Variants in SLC44A4 observed in about 807,000 individuals in gnomAD.
SLC44A4 encodes the protein choline transporter-like protein 4.
SLC44A4 carries 74 observed loss-of-function variants against 97.0 expected under a neutral mutation model. The ratio of observed to expected loss-of-function variants is 0.76; its 90% CI spans 0.63 to 0.93. The LOEUF is 0.93. SLC44A4 is among the 40% of genes least tolerant of loss of function. SLC44A4 has a pLI of 0.00. For synonymous variants in SLC44A4, 325 were observed against 363.8 expected (o/e 0.89, Z 1.21); for missense variants, 799 against 902.9 (o/e 0.88, Z 1.48).
Position 31,863,700 on chromosome 6 carries a change from A to G in SLC44A4, c.2060T>C (p.Met687Thr). Residue 687 changes from methionine (M) to threonine (T), a missense_variant, in exon 21 of 21, where the codon ATG becomes ACG. Physicochemically the swap from Met to Thr is moderately conservative, Grantham distance 81. Transcript: ENST00000229729. Reference sequence around the variant, plus strand: ...CAGAATCTTTAGAAGGCTCTTGGACATGTAGTAGGGCCGGTCCAGGGAGCC... The same window carrying G: ...CAGAATCTTTAGAAGGCTCTTGGACGTGTAGTAGGGCCGGTCCAGGGAGCC... Reference protein sequence around the residue: ...NNGSLDRPYYMSKSLLKILGK... With the variant: ...NNGSLDRPYYTSKSLLKILGK... The G allele has an allele frequency of 6.2e-7, 1 of 1,612,362 alleles. No individual in the cohort carries two copies. Among genetic ancestry groups the G allele is most frequent in the Non-Finnish European group, 8.5e-7 (1 of 1,179,704 alleles).
rs997056605 is a variant in SLC44A4, at chr6:31,864,723, C to T, written c.1940G>A (p.Gly647Glu). 28 of 1,613,944 alleles carry T rather than the reference C, an allele frequency of 1.7e-5. No homozygotes were observed. The highest frequency in any genetic ancestry group is 2.4e-5 in the Non-Finnish European group (28 of 1,179,990). ...GAAGCCGCTGGCGATGACATAGGCC[C>T]CCAGGATGGAGGTCTGGAAGACATG... ...YWLPIMTSILGAYVIASGFFS... is the reference protein window; with the variant it reads ...YWLPIMTSILEAYVIASGFFS... The change falls in exon 20 of 21, where the codon GGG becomes GAG. Residue 647 changes from glycine (G) to glutamate (E), a missense_variant. By Grantham distance (98) the Gly-to-Glu change is moderately conservative (BLOSUM62 -2). Transcript: ENST00000229729.
Position 31,869,253 on chromosome 6 carries a change from G to C in SLC44A4, c.1135C>G (p.Leu379Val). 6.2e-7 allele frequency: 1 copy of C among 1,603,004 alleles called. No individual in the cohort carries two copies. Among genetic ancestry groups the C allele is most frequent in the South Asian group, 1.1e-5 (1 of 89,380 alleles). ...IAYWAMTALY[L>V]ATSGQPQYVL... ...TACTGGGGTTGCCCCGATGTAGCCA[G>C]GTACCCAGAGGGGAGTCAAGGAAAG... The change falls in exon 13 of 21, where the codon CTG becomes GTG. Residue 379 changes from leucine to valine, a missense_variant. Physicochemically the swap from Leu to Val is conservative, Grantham distance 32. This residue lies in a region of SLC44A4 where 379 missense variants were observed against 438.3 expected (regional missense o/e 0.86). Transcript: ENST00000229729.
Position 31,865,295 on chromosome 6 carries a change from CGG to C in SLC44A4, c.1760+18_1760+19del. ...GAGATCAGAGGAGGGAGCCACAAAG[CGG>C]GGGGGGAGCAGCCTAACCTGACAAT... is the stretch of plus-strand genomic sequence containing the variant. On this transcript the variant is annotated intron_variant, in intron 17 of 20. Transcript: ENST00000229729. The surrounding 1 kb of genome is among the most constrained non-coding windows in gnomAD (Gnocchi z 5.2). 1.2e-6 allele frequency: 2 copies of C among 1,609,634 alleles called. No individual in the cohort carries two copies. Among genetic ancestry groups the C allele is most frequent in the East Asian group, 2.2e-5 (1 of 44,826 alleles).
At chr6:31,872,720 G>A (rs906110173) in intron 7 of SLC44A4, among the ~76,000 whole-genome samples, 5 of 152,146 alleles carry the variant, frequency 3.3e-5, no homozygotes, top group Non-Finnish European at 5.9e-5. Flanking sequence ...CTAAAGATGA[G>A]GAAACAAGGT....
At position 31,865,102 on chromosome 6, in the gene SLC44A4, G is replaced by A. The variant is rs1180392575; in HGVS notation, c.1761-22C>T. 4 of 1,612,944 alleles carry A rather than the reference G, an allele frequency of 2.5e-6. No homozygotes were observed. Among genetic ancestry groups the A allele is most frequent in the Admixed American group, 3.3e-5 (2 of 59,996 alleles). On this transcript the variant is annotated intron_variant, in intron 17 of 20. Coordinates refer to ENST00000229729, the MANE Select transcript of SLC44A4 (RefSeq NM_025257.3). This position sits in a 1 kb window ranked among gnomAD's most constrained non-coding sequence, Gnocchi z 5.2. The stretch of plus-strand genomic sequence containing the variant: ...CACCCTGTGCCAGAAGTTAGGGCAG[G>A]TTGAGGGTGAGAGGCCTGGCAATGC...
rs1294123448 is a variant in SLC44A4, at chr6:31,864,824, G to C, written c.1918C>G (p.Pro640Ala). ...AGAGGGGAGTCACTCACCATGATGGGCAGCCAGTAATAGTTGAGGTGGGGG... is the reference window on the plus strand; with the variant it reads ...AGAGGGGAGTCACTCACCATGATGGCCAGCCAGTAATAGTTGAGGTGGGGG... Reference protein sequence around the residue: ...KSPHLNYYWLPIMTSILGAYV... With the variant: ...KSPHLNYYWLAIMTSILGAYV... Residue 640 changes from proline to alanine, a missense_variant, in exon 19 of 21, where the codon CCC becomes GCC. Coordinates refer to ENST00000229729, the MANE Select transcript of SLC44A4 (RefSeq NM_025257.3). The C allele has an allele frequency of 4.3e-6, 7 of 1,614,056 alleles. No individual in the cohort carries two copies. The highest frequency in any genetic ancestry group is 5.9e-6 in the Non-Finnish European group (7 of 1,179,992).
At chr6:31,868,272 C>G (rs1762966865) in intron 13 of SLC44A4, among the ~76,000 whole-genome samples, 1 of 152,194 alleles carries the variant, frequency 6.6e-6, no homozygotes. Context: ...TTGGAAGCAG[C>G]TTCTCTCTCG....
In SLC44A4 at chr6:31,877,004, C is replaced by T; in HGVS notation, c.89+30G>A. ...TTCCACACTGCACCCACCACCCCCGCCAGCCCCCGGAGCAGTGCCCAGAGC... is the reference window on the plus strand; with the variant it reads ...TTCCACACTGCACCCACCACCCCCGTCAGCCCCCGGAGCAGTGCCCAGAGC... On this transcript the variant is annotated intron_variant, in intron 2 of 20. Coordinates refer to ENST00000229729, the MANE Select transcript of SLC44A4 (RefSeq NM_025257.3). The surrounding 1 kb of genome is among the most constrained non-coding windows in gnomAD (Gnocchi z 6.5). The T allele has an allele frequency of 6.3e-7, 1 of 1,598,542 alleles. No homozygotes were observed. Among genetic ancestry groups the T allele is most frequent in the Non-Finnish European group, 8.5e-7 (1 of 1,173,408 alleles).
chr6:31,876,249 T>TA lies in SLC44A4; in HGVS notation c.90-121_90-120insT. 1 of 678,304 alleles carries TA rather than the reference T, an allele frequency of 1.5e-6. No individual in the cohort carries two copies. Among genetic ancestry groups the TA allele is most frequent in the Non-Finnish European group, 2.5e-6 (1 of 405,742 alleles). 42.0% of individuals were successfully genotyped at this position (678,304 alleles called of 1,614,324 possible). A position where few individuals can be genotyped will look rare whatever the true frequency, so the allele number is the denominator to read the frequency against. Reference sequence around the variant, plus strand: ...GCTGCAGCATGGGCATCAGTAGGCTTTATTTTTATTTTTTTATTGCTTTTA... The same window carrying TA: ...GCTGCAGCATGGGCATCAGTAGGCTTATATTTTTATTTTTTTATTGCTTTTA... On this transcript the variant is annotated intron_variant, in intron 2 of 20. Transcript: ENST00000229729. The surrounding 1 kb of genome is among the most constrained non-coding windows in gnomAD (Gnocchi z 4.8).
Position 31,863,261 on chromosome 6 carries a change from T to C in SLC44A4, c.*366A>G, listed in dbSNP as rs1762644792. ...TTTGTTTTGTTTTGGAGACAGAGTC[T>C]GTCACCCAGGTTGGAGTGCAGTGGC... On this transcript the variant is annotated 3_prime_UTR_variant, in exon 21 of 21. Coordinates refer to ENST00000229729, the MANE Select transcript of SLC44A4 (RefSeq NM_025257.3). 1 of 240,150 alleles carries C rather than the reference T, an allele frequency of 4.2e-6. No homozygotes were observed. Among genetic ancestry groups the C allele is most frequent in the Non-Finnish European group, 8.0e-6 (1 of 124,242 alleles). 14.9% of individuals were successfully genotyped at this position (240,150 alleles called of 1,614,324 possible).
At chr6:31,869,472 A>G in intron 12 of SLC44A4, 73 bp downstream of exon 12, 1 of 1,318,950 alleles carries the variant, frequency 7.6e-7, no homozygotes, top group Non-Finnish European at 1.1e-6. Flanking sequence ...GGCACTCTAC[A>G]GGGCAAGTAT....
chr6:31,873,476 C>T (rs1763284016), intron 7 of SLC44A4, among the ~76,000 whole-genome samples: 3 of 152,096 alleles, frequency 2.0e-5, no homozygotes, highest in African/African-American at 7.2e-5. Context: ...AGCCACCATG[C>T]CTGGCCTAAA....
chr6:31,876,249 T>G lies in SLC44A4; in HGVS notation c.90-120A>C, dbSNP rs1763440426. Reference sequence around the variant, plus strand: ...GCTGCAGCATGGGCATCAGTAGGCTTTATTTTTATTTTTTTATTGCTTTTA... The same window carrying G: ...GCTGCAGCATGGGCATCAGTAGGCTGTATTTTTATTTTTTTATTGCTTTTA... On this transcript the variant is annotated intron_variant, in intron 2 of 20. Coordinates refer to ENST00000229729, the MANE Select transcript of SLC44A4 (RefSeq NM_025257.3). The surrounding 1 kb of genome is among the most constrained non-coding windows in gnomAD (Gnocchi z 4.8). 2.9e-6 allele frequency: 2 copies of G among 678,186 alleles called. No homozygotes were observed. Among genetic ancestry groups the G allele is most frequent in the Non-Finnish European group, 4.9e-6 (2 of 405,750 alleles). The allele number at this position is 678,186 out of a possible 1,614,324, so 42.0% of individuals were successfully genotyped here.
rs1348130806 is a variant in SLC44A4 at position 31,871,401 on chromosome 6, T to C, written c.618-4A>G. On this transcript the variant is annotated splice_polypyrimidine_tract_variant and splice_region_variant and intron_variant, in intron 8 of 20. Coordinates refer to ENST00000229729, the MANE Select transcript of SLC44A4 (RefSeq NM_025257.3). The stretch of plus-strand genomic sequence containing the variant: ...ATTGAGGCTGTCAATAAGACCGCTG[T>C]TGGGGAGACAGAGTCAGATGGGGCT... The C allele has an allele frequency of 3.1e-6, 5 of 1,614,024 alleles. No homozygotes were observed. Among genetic ancestry groups the C allele is most frequent in the Admixed American group, 3.3e-5 (2 of 60,008 alleles).
rs779129912 is a variant in SLC44A4 at position 31,874,478 on chromosome 6, G to A, written c.511C>T (p.Leu171Phe). 4 of 1,613,094 alleles carry A rather than the reference G, an allele frequency of 2.5e-6. No homozygotes were observed. In the South Asian group the frequency reaches 3.3e-5, roughly 13 times the overall value. The change falls in exon 7 of 21, where the codon CTC becomes TTC. Residue 171 changes from leucine (L) to phenylalanine (F), a missense_variant. Transcript: ENST00000229729. The surrounding 1 kb of genome is among the most constrained non-coding windows in gnomAD (Gnocchi z 4.8). ...TTCTCACCTGGAGCAGAGGGGAGGA[G>A]GAAACTGGGGCAGAGTTCCTGTTGC... is the stretch of plus-strand genomic sequence containing the variant. Reference protein sequence around the residue: ...SLQQELCPSFLLPSAPALGRC... With the variant: ...SLQQELCPSFFLPSAPALGRC...
chr6:31,874,321 A>G lies in SLC44A4; in HGVS notation c.529+139T>C. The G allele has an allele frequency of 1.1e-6, 1 of 903,540 alleles. No homozygotes were observed. Among genetic ancestry groups the G allele is most frequent in the Non-Finnish European group, 1.8e-6 (1 of 562,110 alleles). 56.0% of individuals were successfully genotyped at this position (903,540 alleles called of 1,614,324 possible). Reference sequence around the variant, plus strand: ...ACTGCAAGGCCACATAACAAAGAGCAAAATGAAGACCTGATGCTAATTCCA... The same window carrying G: ...ACTGCAAGGCCACATAACAAAGAGCGAAATGAAGACCTGATGCTAATTCCA... On this transcript the variant is annotated intron_variant, in intron 7 of 20. Coordinates refer to ENST00000229729, the MANE Select transcript of SLC44A4 (RefSeq NM_025257.3). The surrounding 1 kb of genome is among the most constrained non-coding windows in gnomAD (Gnocchi z 4.8).
chr6:31,868,656 C>T (rs1352404222), intron 13 of SLC44A4, among the ~76,000 whole-genome samples: 3 of 152,048 alleles, frequency 2.0e-5, no homozygotes, highest in African/African-American at 4.8e-5. Context: ...ATTAGCCTGG[C>T]GTGGTGTCAT....
intron 20 of SLC44A4, 116 bp downstream of exon 20, chr6:31,864,535 TC>T: frequency 1.1e-6 from 1 of 942,946 alleles, no homozygotes; most frequent in Non-Finnish European, 1.7e-6. Context: ...TCCCTCTGGT[TC>T]GTTTAGCTCA....
chr6:31,876,267 T>A lies in SLC44A4; in HGVS notation c.90-138A>T. On this transcript the variant is annotated intron_variant, in intron 2 of 20. Transcript: ENST00000229729. The surrounding 1 kb of genome is among the most constrained non-coding windows in gnomAD (Gnocchi z 4.8). Reference sequence around the variant, plus strand: ...GTAGGCTTTATTTTTATTTTTTTATTGCTTTTACTTTTTTATTTTGAGACA... The same window carrying A: ...GTAGGCTTTATTTTTATTTTTTTATAGCTTTTACTTTTTTATTTTGAGACA... 1.6e-6 allele frequency: 1 copy of A among 641,758 alleles called. No individual in the cohort carries two copies. Among genetic ancestry groups the A allele is most frequent in the South Asian group, 2.1e-5 (1 of 48,372 alleles). 39.8% of individuals were successfully genotyped at this position (641,758 alleles called of 1,614,324 possible). A position where few individuals can be genotyped will look rare whatever the true frequency, so the allele number is the denominator to read the frequency against.
Sources: gnomAD v4.1 joint callset for allele counts (sites outside exome capture counted in the v4.1 genomes callset) on GRCh38, gnomAD v4.1.1 for gene constraint, gnomAD v4.1.1 regional missense constraint, Gnocchi (gnomAD v3.1) non-coding constraint, MANE v1.5 for transcripts, NCBI Gene and HGNC (gene_info 2026-07-23, HGNC 2026-07-21) for gene names.